WDCP: variants seen among roughly 807,000 people sequenced by gnomAD.
WDCP encodes the protein WD repeat and coiled-coil-containing protein.
Under a neutral mutation model 41.6 loss-of-function variants are expected in WDCP, and 19 were observed. That is an observed-to-expected ratio of 0.46 (90% CI 0.32 to 0.67). WDCP has a LOEUF of 0.67. Among genes scored for constraint, WDCP ranks in the 30% least tolerant of loss-of-function variants. WDCP has a pLI of 0.04. For missense variants in WDCP, 802 were observed against 850.7 expected (o/e 0.94, Z 0.71); for synonymous variants, 302 against 320.8 (o/e 0.94, Z 0.63).
chr2:24,047,389 T>A lies in WDCP; in HGVS notation c.-94A>T, dbSNP rs1663663510. On this transcript the variant is annotated 5_prime_UTR_variant, in exon 1 of 4. Transcript: ENST00000295148. Reference sequence around the variant, plus strand: ...CATCACGCCGCCGCACATAAGAAGTTCTGGGCAGCCACCGGAAGCACCGGC... The same window carrying A: ...CATCACGCCGCCGCACATAAGAAGTACTGGGCAGCCACCGGAAGCACCGGC... 1 of 151,998 alleles carries A rather than the reference T, an allele frequency of 6.6e-6. No homozygotes were observed. Among genetic ancestry groups the A allele is most frequent in the Non-Finnish European group, 1.5e-5 (1 of 68,032 alleles). 9.4% of individuals were successfully genotyped at this position (151,998 alleles called of 1,614,324 possible). A position where few individuals can be genotyped will look rare whatever the true frequency, so the allele number is the denominator to read the frequency against.
At chr2:24,036,060 T>C (rs1482830471) in intron 2 of WDCP, among the ~76,000 whole-genome samples, 1 of 105,146 alleles carries the variant, frequency 9.5e-6, no homozygotes, top group African/African-American at 4.1e-5. Context: ...AGAGACTCCG[T>C]CTCAAAAATA....
At chr2:24,039,613 T>A (rs972869488) in intron 1 of WDCP, 101 bp from the exon 2 acceptor site, 1 of 1,036,976 alleles carries the variant, frequency 9.6e-7, no homozygotes, top group African/African-American at 1.6e-5. Context: ...CCCAGGTTAA[T>A]AATGTGGAGA....
Position 24,034,910 on chromosome 2 carries a change from T to C in WDCP, c.1819-1964A>G, listed in dbSNP as rs79258577. ...GTTTTAACCTTAGTTTTTAAAAATATAAAATTTTACATTTATAAGTGTTTT... is the reference window on the plus strand; with the variant it reads ...GTTTTAACCTTAGTTTTTAAAAATACAAAATTTTACATTTATAAGTGTTTT... On this transcript the variant is annotated intron_variant, in intron 2 of 3. Coordinates refer to ENST00000295148, the MANE Select transcript of WDCP (RefSeq NM_025203.3). 8.5e-3 allele frequency among the ~76,000 whole-genome samples: 1,287 copies of C among 152,134 alleles called. 10 individuals carry two copies. Among genetic ancestry groups the C allele is most frequent in the South Asian group, 0.038 (185 of 4,824 alleles).
chr2:24,037,850 G>C lies in WDCP; in HGVS notation c.1645C>G (p.Gln549Glu). Reference sequence around the variant, plus strand: ...AGCTGATAAGTTTCCTTTTCACTTTGTAAGTTCTTTCTTTGAGGCAAACGA... The same window carrying C: ...AGCTGATAAGTTTCCTTTTCACTTTCTAAGTTCTTTCTTTGAGGCAAACGA... ...PPRLPQRKNL[Q>E]SEKETYQLSK... is the part of the protein sequence containing the mutation. Residue 549 changes from glutamine (Q) to glutamate (E), a missense_variant, in exon 2 of 4, where the codon CAA becomes GAA. Around this residue, in one of 5 missense-constraint regions of WDCP, gnomAD observed 321 missense variants for 305.1 expected, o/e 1.05. Coordinates refer to ENST00000295148, the MANE Select transcript of WDCP (RefSeq NM_025203.3). The C allele has an allele frequency of 1.2e-6, 2 of 1,614,164 alleles. No individual in the cohort carries two copies. Among genetic ancestry groups the C allele is most frequent in the Non-Finnish European group, 1.7e-6 (2 of 1,180,026 alleles).
intron 1 of WDCP, among the ~76,000 whole-genome samples, chr2:24,046,947 G>A (rs548402045): frequency 6.6e-6 from 1 of 152,190 alleles, no homozygotes; most frequent in South Asian, 2.1e-4. Flanking sequence ...TACACTCAGT[G>A]AAGTGACATA....
Position 24,038,412 on chromosome 2 carries a change from A to G in WDCP, c.1083T>C (p.Cys361=), listed in dbSNP as rs780771485. 6.2e-7 allele frequency: 1 copy of G among 1,614,220 alleles called. No homozygotes were observed. Among genetic ancestry groups the G allele is most frequent in the South Asian group, 1.1e-5 (1 of 91,082 alleles). The change falls in exon 2 of 4, where the codon TGT becomes TGC. Residue 361 remains cysteine, a synonymous_variant. Transcript: ENST00000295148. ...TGACAGAGTAGATCAAAATTATATTACAAGTGTTGGAAGCCACTGCCACTA... is the reference window on the plus strand; with the variant it reads ...TGACAGAGTAGATCAAAATTATATTGCAAGTGTTGGAAGCCACTGCCACTA... ...AHVVAVASNT[C]NIILIYSVIP...
At position 24,039,361 on chromosome 2, in the gene WDCP, TCTCCA is replaced by T; in HGVS notation, c.129_133del (p.Ser43ArgfsTer14). ...GACTTTGGAGTCCCCAAACTTGACC[TCTCCA>T]CTGTGAAGCCGCAAATCAGTTAGGA... is the stretch of plus-strand genomic sequence containing the variant. On this transcript the variant is annotated frameshift_variant, in exon 2 of 4. Coordinates refer to ENST00000295148, the MANE Select transcript of WDCP (RefSeq NM_025203.3). LOFTEE classifies it high-confidence loss of function. 6.2e-7 allele frequency: 1 copy of T among 1,614,186 alleles called. No individual in the cohort carries two copies. The highest frequency in any genetic ancestry group is 8.5e-7 in the Non-Finnish European group (1 of 1,180,028).
intron 1 of WDCP, among the ~76,000 whole-genome samples, chr2:24,041,694 A>C (rs1663438224): frequency 6.6e-6 from 1 of 151,502 alleles, no homozygotes; most frequent in African/African-American, 2.4e-5. Flanking sequence ...CTCTACTCAA[A>C]ATACAAAAAT....
At chr2:24,042,922 A>G (rs1398381265) in intron 1 of WDCP, among the ~76,000 whole-genome samples, 1 of 150,676 alleles carries the variant, frequency 6.6e-6, no homozygotes, top group Non-Finnish European at 1.5e-5. Context: ...AATTCCAGCT[A>G]CTCAGGAGGC....
At position 24,038,387 on chromosome 2, in the gene WDCP, T is replaced by A. The variant is rs754230399; in HGVS notation, c.1108A>T (p.Ile370Phe). 1 of 1,614,230 alleles carries A rather than the reference T, an allele frequency of 6.2e-7. No individual in the cohort carries two copies. The highest frequency in any genetic ancestry group is 1.1e-5 in the South Asian group (1 of 91,088). The change falls in exon 2 of 4, where the codon ATT (isoleucine) becomes TTT (phenylalanine). Residue 370 changes from isoleucine (I) to phenylalanine (F), a missense_variant. Ile to Phe is a conservative substitution (Grantham distance 21, BLOSUM62 0). Coordinates refer to ENST00000295148, the MANE Select transcript of WDCP (RefSeq NM_025203.3). ...TGGATGTTTGGGACTGAAGATGGAATGACAGAGTAGATCAAAATTATATTA... is the reference window on the plus strand; with the variant it reads ...TGGATGTTTGGGACTGAAGATGGAAAGACAGAGTAGATCAAAATTATATTA... Reference protein sequence around the residue: ...TCNIILIYSVIPSSVPNIQQI... With the variant: ...TCNIILIYSVFPSSVPNIQQI...
intron 1 of WDCP, 100 bp downstream of exon 1, chr2:24,047,214 C>T (rs1043312856): frequency 3.3e-5 from 5 of 152,508 alleles, no homozygotes; most frequent in African/African-American, 1.2e-4. Flanking sequence ...TGAATCTCCT[C>T]CTTCCCGCCC....
At chr2:24,042,972 G>A (rs1663496464) in intron 1 of WDCP, among the ~76,000 whole-genome samples, 1 of 150,186 alleles carries the variant, frequency 6.7e-6, no homozygotes, top group African/African-American at 2.5e-5. Context: ...GGCGGAGGTT[G>A]CAGTGAGCTG....
chr2:24,032,506 A>C (rs1558331438), intron 3 of WDCP, among the ~76,000 whole-genome samples: 1 of 152,102 alleles, frequency 6.6e-6, no homozygotes, highest in African/African-American at 2.4e-5. Flanking sequence ...CCATCTCCAA[A>C]AAACAAACAA....
At chr2:24,036,883 C>A (rs774343921) in intron 2 of WDCP, among the ~76,000 whole-genome samples, 1 of 152,038 alleles carries the variant, frequency 6.6e-6, no homozygotes, top group Non-Finnish European at 1.5e-5. Context: ...CTGGTTACAG[C>A]GGATTAAGGG....
At chr2:24,034,132 A>G (rs1184139884) in intron 2 of WDCP, among the ~76,000 whole-genome samples, 1 of 152,230 alleles carries the variant, frequency 6.6e-6, no homozygotes, top group East Asian at 1.9e-4. Flanking sequence ...TTTTAAAAGT[A>G]TAATAGGGCC....
In WDCP at chr2:24,030,952, T is replaced by C. The variant is rs779599314; in HGVS notation, c.2147A>G (p.His716Arg). 1 of 1,613,990 alleles carries C rather than the reference T, an allele frequency of 6.2e-7. No individual in the cohort carries two copies. The highest frequency in any genetic ancestry group is 8.5e-7 in the Non-Finnish European group (1 of 1,179,878). The change falls in exon 4 of 4, where the codon CAT becomes CGT. Residue 716 changes from histidine (H) to arginine (R), a missense_variant. By Grantham distance (29) the His-to-Arg change is conservative. Coordinates refer to ENST00000295148, the MANE Select transcript of WDCP (RefSeq NM_025203.3). Reference protein sequence around the residue: ...PSLDTTGCCNHVDGMA With the variant: ...PSLDTTGCCNRVDGMA The stretch of plus-strand genomic sequence containing the variant: ...CAGATATCAAGCCATGCCATCTACA[T>C]GGTTACAACAGCCAGTGGTATCTAA...
rs532683339 is a variant in WDCP at position 24,029,762 on chromosome 2, A to C, written c.*1171T>G. On this transcript the variant is annotated 3_prime_UTR_variant, in exon 4 of 4. Transcript: ENST00000295148. ...GAAAAGGAAGCATATGTGCTAATGG[A>C]GCTTCTATGGCTGAAACAATTTATC... The C allele has an allele frequency of 6.6e-6, 1 of 152,348 alleles. No homozygotes were observed. The highest frequency in any genetic ancestry group is 2.1e-4 in the South Asian group (1 of 4,822). The allele number at this position is 152,348 out of a possible 1,614,324, so 9.4% of individuals were successfully genotyped here.
Position 24,038,360 on chromosome 2 carries a change from G to A in WDCP, c.1135C>T (p.Gln379Ter). ...CTTTCAGTGTTCTCTAATCGAATTT[G>A]CTGGATGTTTGGGACTGAAGATGGA... Reference protein sequence around the residue: ...VIPSSVPNIQQIRLENTERPK... With the variant: ...VIPSSVPNIQ The change falls in exon 2 of 4, where the codon CAA becomes TAA. Residue 379 changes from glutamine (Q) to a stop codon, truncating the protein, a stop_gained. Transcript: ENST00000295148. LOFTEE classifies it high-confidence loss of function. 6.2e-7 allele frequency: 1 copy of A among 1,614,154 alleles called. No homozygotes were observed. The highest frequency in any genetic ancestry group is 8.5e-7 in the Non-Finnish European group (1 of 1,179,986).
chr2:24,042,761 G>A (rs1428131104), intron 1 of WDCP, among the ~76,000 whole-genome samples: 3 of 150,490 alleles, frequency 2.0e-5, no homozygotes, highest in South Asian at 4.2e-4. Context: ...AGCCAGGCGC[G>A]GCGGCTCACG....
Sources: gnomAD v4.1 joint callset for allele counts (sites outside exome capture counted in the v4.1 genomes callset) on GRCh38, gnomAD v4.1.1 for gene constraint, gnomAD v4.1.1 regional missense constraint, MANE v1.5 for transcripts, NCBI Gene and HGNC (gene_info 2026-07-23, HGNC 2026-07-21) for gene names.